The following C2CD2 variants were observed in gnomAD, a reference collection of about 807,000 sequenced individuals.
C2CD2 encodes the protein C2 calcium dependent domain containing 2, also known as C2 domain-containing protein 2.
Under a neutral mutation model 74.3 loss-of-function variants are expected in C2CD2, and 43 were observed. The observed-to-expected ratio is 0.58, with a 90% CI of 0.45 to 0.75. The LOEUF is 0.75. C2CD2 is among the 30% of genes least tolerant of loss of function. C2CD2 has a pLI of 0.00. For missense variants in C2CD2, 801 were observed against 916.3 expected (o/e 0.87, Z 1.63); for synonymous variants, 422 against 390.7 (o/e 1.08, Z -0.94).
rs1328820318 is a variant in C2CD2 at position 41,892,094 on chromosome 21, T to C, written c.1871-2750A>G. On this transcript the variant is annotated intron_variant, in intron 13 of 13. Transcript: ENST00000380486. The surrounding 1 kb of genome is among the most constrained non-coding windows in gnomAD (Gnocchi z 4.6). The stretch of plus-strand genomic sequence containing the variant: ...AAGTCATCAACTTAAAATTAGATCA[T>C]TGGGGTGGCCCGTGATCCAATATGC... Among the ~76,000 whole-genome samples, 3 of 151,408 alleles carry C rather than the reference T, an allele frequency of 2.0e-5. No individual in the cohort carries two copies. Among genetic ancestry groups the C allele is most frequent in the South Asian group, 2.1e-4 (1 of 4,802 alleles).
At chr21:41,948,851 T>C (rs562495984) in intron 1 of C2CD2, among the ~76,000 whole-genome samples, 156 of 138,574 alleles carry the variant, frequency 1.1e-3, no homozygotes, top group African/African-American at 3.7e-3. Context: ...TAATAATATG[T>C]TCCAAGTCCA....
intron 7 of C2CD2, among the ~76,000 whole-genome samples, chr21:41,910,354 C>T (rs757602369): frequency 3.3e-5 from 5 of 152,124 alleles, no homozygotes; most frequent in Admixed American, 1.3e-4. Context: ...TATCTTTGCA[C>T]GCCGTGTGAT....
At chr21:41,919,729 A>G (rs750497091) in intron 3 of C2CD2, among the ~76,000 whole-genome samples, 12 of 152,136 alleles carry the variant, frequency 7.9e-5, no homozygotes, top group Non-Finnish European at 1.6e-4. Flanking sequence ...ACTGGACTCC[A>G]TCTCTAAGGA....
intron 5 of C2CD2, 49 bp downstream of exon 5, chr21:41,918,046 AGGTGGGCCAT>A: frequency 6.2e-7 from 1 of 1,600,538 alleles, no homozygotes; most frequent in African/African-American, 1.3e-5. Flanking sequence ...TCTCCAAGAG[AGGTGGGCCAT>A]GGTGCCTAAC....
chr21:41,920,202 G>T lies in C2CD2; in HGVS notation c.493-1242C>A, dbSNP rs2065140530. Among the ~76,000 whole-genome samples the T allele has an allele frequency of 4.6e-5, 7 of 152,336 alleles. 1 individual carries two copies. The South Asian group carries it at 1.5e-3, about 32-fold the overall frequency. ...AGGCAGGCAGCCCTGACAGCTCCTGGATTTGGGCCTGGCCGGACACCTGGC... is the reference window on the plus strand; with the variant it reads ...AGGCAGGCAGCCCTGACAGCTCCTGTATTTGGGCCTGGCCGGACACCTGGC... On this transcript the variant is annotated intron_variant, in intron 3 of 13. Coordinates refer to ENST00000380486, the MANE Select transcript of C2CD2 (RefSeq NM_015500.2).
In C2CD2 at chr21:41,923,625, G is replaced by A. The variant is rs1335788813; in HGVS notation, c.379-1540C>T. Among the ~76,000 whole-genome samples, 2 of 152,124 alleles carry A rather than the reference G, an allele frequency of 1.3e-5. No homozygotes were observed. Among genetic ancestry groups the A allele is most frequent in the Non-Finnish European group, 2.9e-5 (2 of 68,022 alleles). Reference sequence around the variant, plus strand: ...AAAACCAGAATTATAAAATGAGCTCGTTGAAGAAACTGTCAGACAGAGAAA... The same window carrying A: ...AAAACCAGAATTATAAAATGAGCTCATTGAAGAAACTGTCAGACAGAGAAA... On this transcript the variant is annotated intron_variant, in intron 2 of 13. Coordinates refer to ENST00000380486, the MANE Select transcript of C2CD2 (RefSeq NM_015500.2). This position sits in a 1 kb window ranked among gnomAD's most constrained non-coding sequence, Gnocchi z 5.8.
chr21:41,918,796 T>C, intron 4 of C2CD2, 60 bp downstream of exon 4: 2 of 1,297,826 alleles, frequency 1.5e-6, no homozygotes, highest in South Asian at 2.4e-5. Flanking sequence ...CACCGCAGAC[T>C]GTCCTAACAC....
At chr21:41,922,137 G>T in intron 2 of C2CD2, 52 bp from the exon 3 acceptor site, 3 of 1,015,174 alleles carry the variant, frequency 3.0e-6, no homozygotes, top group Non-Finnish European at 4.6e-6. Flanking sequence ...AAAGGACAGC[G>T]CGTGCATACG....
At chr21:41,915,603 A>G (rs1254139531) in intron 5 of C2CD2, among the ~76,000 whole-genome samples, 2 of 152,006 alleles carry the variant, frequency 1.3e-5, no homozygotes, top group East Asian at 3.9e-4. Context: ...CACCCGGCTA[A>G]TTCTTTTTGT....
intron 1 of C2CD2, among the ~76,000 whole-genome samples, chr21:41,949,629 C>G (rs1169903121): frequency 2.0e-5 from 3 of 152,202 alleles, no homozygotes; most frequent in Non-Finnish European, 4.4e-5. Context: ...ACCCAGCGAT[C>G]CCATTACTGG....
chr21:41,948,778 G>A (rs919123209), intron 1 of C2CD2, among the ~76,000 whole-genome samples: 1 of 150,396 alleles, frequency 6.6e-6, no homozygotes, highest in Non-Finnish European at 1.5e-5. Context: ...CAAAGACTCT[G>A]AAGTCTGGTG....
rs781690419 is a variant in C2CD2, at chr21:41,922,072, TGACA to T, written c.388_391del (p.Cys130ThrfsTer39). 170 of 1,612,132 alleles carry T rather than the reference TGACA, an allele frequency of 1.1e-4. No homozygotes were observed. Among genetic ancestry groups the T allele is most frequent in the Non-Finnish European group, 1.4e-4 (163 of 1,178,324 alleles). The stretch of plus-strand genomic sequence containing the variant: ...GAACTGAATAGCCTGGCCCACCACG[TGACA>T]GACCACCACCTGGAGGAGGCACAGG... On this transcript the variant is annotated frameshift_variant, in exon 3 of 14. Coordinates refer to ENST00000380486, the MANE Select transcript of C2CD2 (RefSeq NM_015500.2). LOFTEE classifies it high-confidence loss of function.
chr21:41,950,151 G>A (rs1023279885), intron 1 of C2CD2, among the ~76,000 whole-genome samples: 1 of 151,686 alleles, frequency 6.6e-6, no homozygotes, highest in Non-Finnish European at 1.5e-5. Flanking sequence ...AAAAAAAAAA[G>A]GAAAAAAAAG....
intron 2 of C2CD2, among the ~76,000 whole-genome samples, chr21:41,940,332 T>C (rs1019477055): frequency 2.6e-5 from 4 of 152,154 alleles, no homozygotes; most frequent in African/African-American, 9.7e-5. Context: ...AGTCTCAAAA[T>C]TACGGTGATC....
At chr21:41,947,694 G>C (rs2065413079) in intron 1 of C2CD2, among the ~76,000 whole-genome samples, 1 of 152,172 alleles carries the variant, frequency 6.6e-6, no homozygotes, top group African/African-American at 2.4e-5. Context: ...CTATGTCCCA[G>C]GCATTTTGCT....
In C2CD2 at chr21:41,899,892, A is replaced by C. The variant is rs142698391; in HGVS notation, c.1561-530T>G. Among the ~76,000 whole-genome samples, 3 of 150,998 alleles carry C rather than the reference A, an allele frequency of 2.0e-5. No homozygotes were observed. Among genetic ancestry groups the C allele is most frequent in the African/African-American group, 7.3e-5 (3 of 41,034 alleles). The stretch of plus-strand genomic sequence containing the variant: ...GGATAGCGCTTCCTTGGAGGGGGGA[A>C]AGTTTGGGGAGGAGGGCACGGGGGC... On this transcript the variant is annotated intron_variant, in intron 12 of 13. Coordinates refer to ENST00000380486, the MANE Select transcript of C2CD2 (RefSeq NM_015500.2). The surrounding 1 kb of genome is among the most constrained non-coding windows in gnomAD (Gnocchi z 4.4).
At chr21:41,950,367 G>A (rs567450311) in intron 1 of C2CD2, among the ~76,000 whole-genome samples, 1 of 152,254 alleles carries the variant, frequency 6.6e-6, no homozygotes, top group Admixed American at 6.5e-5. Flanking sequence ...ATCAGCAATG[G>A]TTTCCTCCAA....
In C2CD2 at chr21:41,907,105, G is replaced by A. The variant is rs749531563; in HGVS notation, c.1205C>T (p.Ala402Val). 1 of 1,613,968 alleles carries A rather than the reference G, an allele frequency of 6.2e-7. No individual in the cohort carries two copies. Among genetic ancestry groups the A allele is most frequent in the Non-Finnish European group, 8.5e-7 (1 of 1,179,818 alleles). The change falls in exon 10 of 14, where the codon GCA (alanine) becomes GTA (valine). Residue 402 changes from alanine to valine, a missense_variant. Physicochemically the swap from Ala to Val is moderately conservative, Grantham distance 64. Coordinates refer to ENST00000380486, the MANE Select transcript of C2CD2 (RefSeq NM_015500.2). ...SWPIPPPVPA[A>V]KIEKDRTVMP... Reference sequence around the variant, plus strand: ...CACCGTGCGGTCCTTTTCTATTTTTGCAGCAGGAACAGGGGGAGGGATGGG... The same window carrying A: ...CACCGTGCGGTCCTTTTCTATTTTTACAGCAGGAACAGGGGGAGGGATGGG...
chr21:41,902,567 T>C (rs1048421644), intron 11 of C2CD2, among the ~76,000 whole-genome samples: 2 of 152,208 alleles, frequency 1.3e-5, no homozygotes, highest in Admixed American at 1.3e-4. Flanking sequence ...TGCTTGTAAC[T>C]TACACTTTCC....
Sources: allele counts gnomAD v4.1 joint callset (sites outside exome capture counted in the v4.1 genomes callset), GRCh38; gene constraint gnomAD v4.1.1; non-coding constraint Gnocchi (gnomAD v3.1); transcripts MANE v1.5; gene names NCBI Gene and HGNC (gene_info 2026-07-23, HGNC 2026-07-21).